The following CACNA2D1 variants were observed in gnomAD, a reference collection of about 807,000 sequenced individuals.
CACNA2D1 encodes calcium voltage-gated channel auxiliary subunit alpha2delta 1.
CACNA2D1 carries 53 observed loss-of-function variants against 171.5 expected under a neutral mutation model. The ratio of observed to expected loss-of-function variants is 0.31; its 90% confidence interval spans 0.25 to 0.39. The LOEUF is 0.39. Among genes scored for constraint, CACNA2D1 ranks in the 10% least tolerant of loss-of-function variants. CACNA2D1 has a pLI of 1.00. For missense variants in CACNA2D1, 903 were observed against 1,299.8 expected (o/e 0.69, Z 4.69); for synonymous variants, 442 against 443.1 (o/e 1.00, Z 0.03).
chr7:81,990,282 A>T (rs1797408428), intron 21 of CACNA2D1, among the ~76,000 whole-genome samples: 1 of 152,166 alleles, frequency 6.6e-6, no homozygotes, highest in Admixed American at 6.5e-5. Flanking sequence ...GACTAATTTT[A>T]TGTCTGTGAA....
At chr7:82,442,657 A>G (rs560720248) in intron 1 of CACNA2D1, among the ~76,000 whole-genome samples, 2 of 152,338 alleles carry the variant, frequency 1.3e-5, no homozygotes, top group African/African-American at 4.8e-5. Flanking sequence ...GAGACTGGAA[A>G]TAGTCCCTCC....
chr7:82,071,357 A>C (rs1808301390), intron 7 of CACNA2D1, among the ~76,000 whole-genome samples: 1 of 152,188 alleles, frequency 6.6e-6, no homozygotes, highest in Non-Finnish European at 1.5e-5. Context: ...AGATAGGGTG[A>C]ATGGGTCAGT....
chr7:81,960,505 G>A (rs970358418), intron 36 of CACNA2D1, among the ~76,000 whole-genome samples: 1 of 151,982 alleles, frequency 6.6e-6, no homozygotes, highest in Non-Finnish European at 1.5e-5. Flanking sequence ...CCCCTGTTTT[G>A]TCCACACCTT....
At chr7:82,273,321 T>C (rs1808883672) in intron 3 of CACNA2D1, among the ~76,000 whole-genome samples, 1 of 151,940 alleles carries the variant, frequency 6.6e-6, no homozygotes, top group South Asian at 2.1e-4. Flanking sequence ...TCTATTTCTA[T>C]ATAAAAATGT....
intron 3 of CACNA2D1, among the ~76,000 whole-genome samples, chr7:82,215,111 G>A (rs569358646): frequency 2.6e-5 from 4 of 152,254 alleles, no homozygotes; most frequent in Middle Eastern, 3.4e-3. Context: ...CCTCAGGAAA[G>A]GAACTTCAGG....
At chr7:82,184,873 C>A (rs1797500907) in intron 3 of CACNA2D1, among the ~76,000 whole-genome samples, 1 of 152,146 alleles carries the variant, frequency 6.6e-6, no homozygotes, top group African/African-American at 2.4e-5. Flanking sequence ...TTACTCTTTA[C>A]CAAGCACTTT....
chr7:81,991,100 AATC>A, intron 21 of CACNA2D1, 82 bp downstream of exon 21: 1 of 755,160 alleles, frequency 1.3e-6, no homozygotes, highest in Non-Finnish European at 2.4e-6. Context: ...TTCTAGTGAA[AATC>A]ACATGAAAAT....
chr7:82,289,732 C>T (rs1346233561), intron 3 of CACNA2D1, among the ~76,000 whole-genome samples: 3 of 152,310 alleles, frequency 2.0e-5, no homozygotes, highest in South Asian at 2.1e-4. Flanking sequence ...CTAATATTTA[C>T]GGCCTTTTTA....
chr7:81,955,353 T>TTAATGTGGGAAACAACTG (rs1793108709), intron 38 of CACNA2D1, among the ~76,000 whole-genome samples: 1 of 152,164 alleles, frequency 6.6e-6, no homozygotes, highest in African/African-American at 2.4e-5. Context: ...TTTATGGTCC[T>TTAATGTGGGAAACAACTG]TAATGTGGGA....
chr7:82,119,090 C>T (rs1789415446), intron 5 of CACNA2D1, among the ~76,000 whole-genome samples: 1 of 152,188 alleles, frequency 6.6e-6, no homozygotes, highest in East Asian at 1.9e-4. Flanking sequence ...CTACTTAACA[C>T]AGAATGTCTC....
chr7:82,296,219 C>T (rs1383457191), intron 3 of CACNA2D1, among the ~76,000 whole-genome samples: 1 of 151,748 alleles, frequency 6.6e-6, no homozygotes, highest in East Asian at 1.9e-4. Flanking sequence ...TATAACTAAC[C>T]TGCACATTGT....
At chr7:82,301,730 T>TACACACACACACAC (rs4018910) in intron 3 of CACNA2D1, among the ~76,000 whole-genome samples, 12 of 142,162 alleles carry the variant, frequency 8.4e-5, no homozygotes, top group African/African-American at 2.6e-4. Flanking sequence ...TGGTAAATAA[T>TACACACACACACAC]ACACACACAC....
chr7:82,291,131 G>A (rs979876808), intron 3 of CACNA2D1, among the ~76,000 whole-genome samples: 9 of 114,170 alleles, frequency 7.9e-5, no homozygotes, highest in African/African-American at 2.1e-4. Context: ...GGGACTACAA[G>A]TGCAGGCCAC....
chr7:82,007,656 A>G (rs770851299), intron 16 of CACNA2D1, 23 bp downstream of exon 16: 1 of 1,191,980 alleles, frequency 8.4e-7, no homozygotes, highest in East Asian at 2.5e-5. Flanking sequence ...TATTATTATT[A>G]ATTTTATCAA....
intron 1 of CACNA2D1, among the ~76,000 whole-genome samples, chr7:82,387,444 T>C (rs997038009): frequency 6.6e-6 from 1 of 152,168 alleles, no homozygotes; most frequent in Non-Finnish European, 1.5e-5. Context: ...AACAAAAACA[T>C]ACATGTTTAG....
At chr7:82,235,407 T>A (rs950631675) in intron 3 of CACNA2D1, among the ~76,000 whole-genome samples, 8 of 152,040 alleles carry the variant, frequency 5.3e-5, no homozygotes, top group Non-Finnish European at 1.2e-4. Context: ...CAAAGGCAAA[T>A]GAACTTTCCC....
At chr7:82,421,803 A>G (rs750875286) in intron 1 of CACNA2D1, among the ~76,000 whole-genome samples, 7 of 152,196 alleles carry the variant, frequency 4.6e-5, no homozygotes, top group Non-Finnish European at 8.8e-5. Flanking sequence ...AGGGAAGATA[A>G]AGAGAAACAC....
At chr7:82,062,508 T>C (rs1273149641) in intron 9 of CACNA2D1, among the ~76,000 whole-genome samples, 1 of 152,126 alleles carries the variant, frequency 6.6e-6, no homozygotes, top group East Asian at 1.9e-4. Context: ...TCATACTTTA[T>C]ATCTATTAAT....
chr7:82,374,579 G>A (rs1822791608), intron 1 of CACNA2D1, among the ~76,000 whole-genome samples: 1 of 152,054 alleles, frequency 6.6e-6, no homozygotes, highest in South Asian at 2.1e-4. Flanking sequence ...GCCACAATCA[G>A]TACTAGAAGA....
Sources: allele counts gnomAD v4.1 joint callset (sites outside exome capture counted in the v4.1 genomes callset), GRCh38; gene constraint gnomAD v4.1.1; transcripts MANE v1.5; gene names NCBI Gene and HGNC (gene_info 2026-07-23, HGNC 2026-07-21).